ACSF2: variants seen among roughly 807,000 people sequenced by gnomAD.
ACSF2 encodes acyl-CoA synthetase family member 2.
Under a neutral mutation model 79.3 loss-of-function variants are expected in ACSF2, and 52 were observed. That is an observed-to-expected ratio of 0.66 (90% CI 0.53 to 0.83). The LOEUF (loss-of-function observed/expected upper bound fraction) is 0.83, where lower values mean the gene tolerates loss of function less well. ACSF2 is among the 40% of genes least tolerant of loss of function. The pLI, the probability that ACSF2 is intolerant of heterozygous loss-of-function variation, is 0.00. For synonymous variants in ACSF2, 283 were observed against 312.6 expected, an observed-to-expected ratio of 0.91 and a Z score of 1.00; for missense variants, 661 against 803.3, an observed-to-expected ratio of 0.82 and a Z score of 2.14.
chr17:50,468,450 G>C (rs962998144), intron 10 of ACSF2: 2 of 1,614,134 alleles, frequency 1.2e-6, no homozygotes, highest in Admixed American at 1.7e-5. Flanking sequence ...AGCTCGGTCA[G>C]GTCGTCGAAG....
Position 50,455,140 on chromosome 17 carries a change from G to A in ACSF2, c.129-5537G>A, listed in dbSNP as rs199804215. 2.7e-4 allele frequency among the ~76,000 whole-genome samples: 41 copies of A among 152,246 alleles called. No homozygotes were observed. The East Asian group carries it at 5.2e-3, about 19-fold the overall frequency. On this transcript the variant is annotated intron_variant, in intron 1 of 15. Coordinates refer to ENST00000300441, the MANE Select transcript of ACSF2 (RefSeq NM_025149.6). Reference sequence around the variant, plus strand: ...TGGGACTACAGGCGTGCACCACCACGCCTGTTTTATTTTTGTATTTTTAGT... The same window carrying A: ...TGGGACTACAGGCGTGCACCACCACACCTGTTTTATTTTTGTATTTTTAGT...
At position 50,474,686 on chromosome 17, in the gene ACSF2, C is replaced by T. The variant is rs572373099; in HGVS notation, c.*134C>T. 3.9e-4 allele frequency: 398 copies of T among 1,009,798 alleles called. No individual in the cohort carries two copies. Among genetic ancestry groups the T allele is most frequent in the Middle Eastern group, 1.5e-3 (5 of 3,332 alleles). The allele number at this position is 1,009,798 out of a possible 1,614,324, so 62.6% of individuals were successfully genotyped here. On this transcript the variant is annotated 3_prime_UTR_variant, in exon 16 of 16. Coordinates refer to ENST00000300441, the MANE Select transcript of ACSF2 (RefSeq NM_025149.6). The surrounding 1 kb of genome is among the most constrained non-coding windows in gnomAD (Gnocchi z 4.2). ...ATCAAATGTCAAGGAATTGACTGAA[C>T]GAACTAAGAGCTCCTGGATGGGTCC...
chr17:50,472,509 A>G lies in ACSF2; in HGVS notation c.1405A>G (p.Met469Val). The G allele has an allele frequency of 6.2e-7, 1 of 1,613,120 alleles. No individual in the cohort carries two copies. ...GELCIRGYCV[M>V]LGYWGEPQKT... Reference sequence around the variant, plus strand: ...GCTGTGCATCCGAGGGTACTGCGTCATGCTGGGCTACTGGGGTGAGCCTCA... The same window carrying G: ...GCTGTGCATCCGAGGGTACTGCGTCGTGCTGGGCTACTGGGGTGAGCCTCA... Residue 469 changes from methionine to valine, a missense_variant, in exon 12 of 16, where the codon ATG (methionine) becomes GTG (valine). By Grantham distance (21) the Met-to-Val change is conservative. Transcript: ENST00000300441.
At chr17:50,454,218 C>G (rs914813597) in intron 1 of ACSF2, among the ~76,000 whole-genome samples, 6 of 148,082 alleles carry the variant, frequency 4.1e-5, no homozygotes, top group Admixed American at 1.3e-4. Flanking sequence ...TGCTCTGTCA[C>G]CCAGGCTGGT....
rs1312459764 is a variant in ACSF2, at chr17:50,460,851, C to G, written c.303C>G (p.Thr101=). The G allele has an allele frequency of 1.9e-6, 3 of 1,609,918 alleles. No homozygotes were observed. The East Asian group carries it at 6.7e-5, about 36-fold the overall frequency. ...TCCTCCATGAAGACGTCAGGTTGAC[C>G]TTTGCCCAACTCAAGGAGGAGGTGG... is the stretch of plus-strand genomic sequence containing the variant. ...LVVLHEDVRL[T]FAQLKEEVDK... Residue 101 remains threonine, a synonymous_variant, in exon 2 of 16, where the codon ACC becomes ACG. Transcript: ENST00000300441.
chr17:50,472,593 G>A lies in ACSF2; in HGVS notation c.1475+14G>A. The A allele has an allele frequency of 6.3e-7, 1 of 1,576,352 alleles. No homozygotes were observed. The highest frequency in any genetic ancestry group is 8.6e-7 in the Non-Finnish European group (1 of 1,160,452). On this transcript the variant is annotated intron_variant, in intron 12 of 15. Coordinates refer to ENST00000300441, the MANE Select transcript of ACSF2 (RefSeq NM_025149.6). Reference sequence around the variant, plus strand: ...GTATTGGACAGGGTGAGAAGGCAGGGCGGGGTGGAGGCTCTGGCCGCTGAG... The same window carrying A: ...GTATTGGACAGGGTGAGAAGGCAGGACGGGGTGGAGGCTCTGGCCGCTGAG...
In ACSF2 at chr17:50,465,461, G is replaced by A. The variant is rs1221583570; in HGVS notation, c.1215+1167G>A. 8.1e-6 allele frequency: 13 copies of A among 1,612,874 alleles called. No homozygotes were observed. The Admixed American group carries it at 1.5e-4, about 19-fold the overall frequency. ...CCACCTGGAGAGACAGAAACTTGCT[G>A]GGGCTGGGGAAGAAGGTGGGAGTGC... On this transcript the variant is annotated intron_variant, in intron 10 of 15. Coordinates refer to ENST00000300441, the MANE Select transcript of ACSF2 (RefSeq NM_025149.6).
At chr17:50,453,442 A>G (rs1226533255) in intron 1 of ACSF2, among the ~76,000 whole-genome samples, 1 of 152,210 alleles carries the variant, frequency 6.6e-6, no homozygotes, top group South Asian at 2.1e-4. Context: ...TCCTGACCTC[A>G]GATGATCCAC....
intron 1 of ACSF2, chr17:50,460,401 G>C (rs2032258944): frequency 2.0e-6 from 1 of 496,048 alleles, no homozygotes; most frequent in African/African-American, 1.9e-5. Flanking sequence ...GCTCTCCCAG[G>C]CTTCACTATG....
rs769077684 is a variant in ACSF2 at position 50,460,921 on chromosome 17, G to A, written c.324+49G>A. On this transcript the variant is annotated intron_variant, in intron 2 of 15. Transcript: ENST00000300441. ...AAAGTGGGCAAGTACTAGCTCCCAA[G>A]CTGCCCTAGCTGGGCAGAACCAGGA... is the stretch of plus-strand genomic sequence containing the variant. The A allele has an allele frequency of 1.1e-5, 17 of 1,553,194 alleles. No individual in the cohort carries two copies. In the South Asian group the frequency reaches 1.8e-4, roughly 16 times the overall value.
At chr17:50,427,126 GC>G (rs1567832338) in intron 1 of ACSF2, 1 of 803,652 alleles carries the variant, frequency 1.2e-6, no homozygotes, top group Non-Finnish European at 2.0e-6. Context: ...GGAGCCCTGT[GC>G]ACTACTGAGC....
intron 1 of ACSF2, among the ~76,000 whole-genome samples, chr17:50,448,040 C>T (rs955729186): frequency 4.6e-5 from 7 of 152,200 alleles, no homozygotes; most frequent in African/African-American, 1.7e-4. Flanking sequence ...TACAGTCTGG[C>T]GTTGCTTAAC....
chr17:50,472,651 A>C (rs1166477565), intron 12 of ACSF2, 72 bp downstream of exon 12: 1 of 1,511,780 alleles, frequency 6.6e-7, no homozygotes, highest in African/African-American at 1.4e-5. Flanking sequence ...TGAGCCGGGA[A>C]CATTAACCTG....
chr17:50,474,291 G>T lies in ACSF2; in HGVS notation c.1797+24G>T. On this transcript the variant is annotated intron_variant, in intron 15 of 15. Coordinates refer to ENST00000300441, the MANE Select transcript of ACSF2 (RefSeq NM_025149.6). This position sits in a 1 kb window ranked among gnomAD's most constrained non-coding sequence, Gnocchi z 4.2. ...AGGTGTGTAAGGTGGAGGAGGCTGG[G>T]GAGGGCAGCCTGGGCTCTGGGGCCC... 7.4e-6 allele frequency: 12 copies of T among 1,613,700 alleles called. No individual in the cohort carries two copies. Among genetic ancestry groups the T allele is most frequent in the Non-Finnish European group, 1.0e-5 (12 of 1,179,564 alleles).
At chr17:50,468,427 G>A (rs762195755) in intron 10 of ACSF2, 1 of 1,614,270 alleles carries the variant, frequency 6.2e-7, no homozygotes, top group Non-Finnish European at 8.5e-7. Flanking sequence ...TGTGGTCCAG[G>A]TAGAGGTAGG....
chr17:50,449,309 G>C (rs112097371), intron 1 of ACSF2, among the ~76,000 whole-genome samples: 1 of 147,720 alleles, frequency 6.8e-6, no homozygotes, highest in African/African-American at 2.5e-5. Flanking sequence ...GAGCCACCAC[G>C]CCCGGCCCAA....
At chr17:50,446,263 T>A (rs879699518) in intron 1 of ACSF2, among the ~76,000 whole-genome samples, 168 of 152,250 alleles carry the variant, frequency 1.1e-3, no homozygotes, top group African/African-American at 3.6e-3. Context: ...TTTTTTTTTT[T>A]AAAACTTCGT....
intron 1 of ACSF2, 55 bp downstream of exon 1, chr17:50,426,444 T>G (rs1317463976): frequency 1.6e-6 from 2 of 1,274,168 alleles, no homozygotes; most frequent in Non-Finnish European, 2.0e-6. Context: ...GGAGAGGAAC[T>G]TGGAGGTCCC....
At chr17:50,452,086 C>T (rs1464191518) in intron 1 of ACSF2, among the ~76,000 whole-genome samples, 1 of 152,086 alleles carries the variant, frequency 6.6e-6, no homozygotes, top group East Asian at 1.9e-4. Context: ...AGGAGCCAGC[C>T]CTCTGCTGGC....
Sources: allele counts gnomAD v4.1 joint callset (sites outside exome capture counted in the v4.1 genomes callset), GRCh38; gene constraint gnomAD v4.1.1; non-coding constraint Gnocchi (gnomAD v3.1); transcripts MANE v1.5; gene names NCBI Gene and HGNC (gene_info 2026-07-23, HGNC 2026-07-21).